Variants in ELAVL2 observed in about 807,000 individuals in gnomAD.
ELAVL2 encodes ELAV like RNA binding protein 2, also known as ELAV-like protein 2.
ELAVL2 carries 4 observed loss-of-function variants against 34.6 expected under a neutral mutation model. The ratio of observed to expected loss-of-function variants is 0.12; its 90% CI spans 0.06 to 0.26. The LOEUF (loss-of-function observed/expected upper bound fraction) is 0.26. ELAVL2 is among the 10% of genes least tolerant of loss of function. The pLI is 1.00. For synonymous variants in ELAVL2, 193 were observed against 154.8 expected (o/e 1.25, Z -1.83); for missense variants, 432 against 442.8 (o/e 0.98, Z 0.22).
intron 1 of ELAVL2, among the ~76,000 whole-genome samples, chr9:23,797,609 G>A (rs1396077426): frequency 1.3e-5 from 2 of 152,194 alleles, no homozygotes; most frequent in Admixed American, 6.5e-5. Context: ...ATTTAGGTTT[G>A]CCATAATGAT....
At chr9:23,811,899 T>C (rs932672768) in intron 1 of ELAVL2, among the ~76,000 whole-genome samples, 2 of 151,452 alleles carry the variant, frequency 1.3e-5, no homozygotes, top group Non-Finnish European at 2.9e-5. Flanking sequence ...TAAAAGAAAA[T>C]CAAAGGTAAC....
intron 1 of ELAVL2, among the ~76,000 whole-genome samples, chr9:23,810,061 A>G (rs3793593): frequency 1.3e-5 from 2 of 152,174 alleles, no homozygotes; most frequent in East Asian, 3.9e-4. Context: ...CAAGTTCAAA[A>G]AACAGCCCTT....
chr9:23,704,161 G>A (rs10738680), intron 4 of ELAVL2, among the ~76,000 whole-genome samples: 86,684 of 138,248 alleles, frequency 0.63, 29,169 homozygotes, highest in Middle Eastern at 0.7. Flanking sequence ...TGAACTCCCA[G>A]CCTCAGGTGA....
At chr9:23,785,692 C>A (rs1323689077) in intron 1 of ELAVL2, among the ~76,000 whole-genome samples, 1 of 152,144 alleles carries the variant, frequency 6.6e-6, no homozygotes, top group Non-Finnish European at 1.5e-5. Context: ...CCTATTCTGT[C>A]AATGAGCAGC....
At chr9:23,736,632 C>T (rs555958944) in intron 2 of ELAVL2, among the ~76,000 whole-genome samples, 1 of 152,296 alleles carries the variant, frequency 6.6e-6, no homozygotes, top group South Asian at 2.1e-4. Flanking sequence ...GCCACACCCG[C>T]ATCACGTTCT....
chr9:23,769,370 A>T (rs947913103), intron 1 of ELAVL2, among the ~76,000 whole-genome samples: 21 of 152,178 alleles, frequency 1.4e-4, no homozygotes, highest in Non-Finnish European at 2.5e-4. Flanking sequence ...CCCGACACAC[A>T]CCATTCCTAT....
At chr9:23,782,402 T>A (rs2059180627) in intron 1 of ELAVL2, among the ~76,000 whole-genome samples, 1 of 150,946 alleles carries the variant, frequency 6.6e-6, no homozygotes. Flanking sequence ...ATACAAAAAA[T>A]TAAAAATACA....
At chr9:23,781,319 A>G (rs1277700965) in intron 1 of ELAVL2, among the ~76,000 whole-genome samples, 1 of 152,152 alleles carries the variant, frequency 6.6e-6, no homozygotes, top group Non-Finnish European at 1.5e-5. Context: ...CTGCAACCTG[A>G]GAAATTCAAA....
chr9:23,843,396 T>C, the ELAVL2 span, among the ~76,000 whole-genome samples: 1 of 152,096 alleles, frequency 6.6e-6, no homozygotes. Flanking sequence ...TCACACAAAG[T>C]ACTAATCACT....
Position 23,755,194 on chromosome 9 carries a change from C to T in ELAVL2, c.229+6812G>A, listed in dbSNP as rs76297035. Among the ~76,000 whole-genome samples, 575 of 152,154 alleles carry T rather than the reference C, an allele frequency of 3.8e-3. 16 individuals are homozygous for T. In the East Asian group the frequency reaches 0.064, roughly 17 times the overall value. On this transcript the variant is annotated intron_variant, in intron 2 of 6. Coordinates refer to ENST00000397312, the MANE Select transcript of ELAVL2 (RefSeq NM_004432.5). Reference sequence around the variant, plus strand: ...CATTTCTCCAATTAATTTCCAAGTCCCCAGGTACTAAACAAAAGAGGACAG... The same window carrying T: ...CATTTCTCCAATTAATTTCCAAGTCTCCAGGTACTAAACAAAAGAGGACAG...
At chr9:23,713,161 G>A (rs2041431942) in intron 3 of ELAVL2, among the ~76,000 whole-genome samples, 1 of 152,144 alleles carries the variant, frequency 6.6e-6, no homozygotes, top group Non-Finnish European at 1.5e-5. Context: ...GTTTCTCCTT[G>A]GTTCTAGTAT....
chr9:23,786,118 T>C (rs1442947913), intron 1 of ELAVL2, among the ~76,000 whole-genome samples: 4 of 152,280 alleles, frequency 2.6e-5, no homozygotes, highest in African/African-American at 9.6e-5. Flanking sequence ...AGTATTTATC[T>C]CTGTTAACAA....
At chr9:23,772,750 T>C (rs2057529309) in intron 1 of ELAVL2, among the ~76,000 whole-genome samples, 1 of 152,172 alleles carries the variant, frequency 6.6e-6, no homozygotes, top group African/African-American at 2.4e-5. Flanking sequence ...ATCATCTCAA[T>C]TACTGGTATT....
At chr9:23,699,190 T>C (rs2036294812) in intron 5 of ELAVL2, among the ~76,000 whole-genome samples, 1 of 152,138 alleles carries the variant, frequency 6.6e-6, no homozygotes, top group African/African-American at 2.4e-5. Flanking sequence ...AAAGCTTTAC[T>C]CAACCAAAAA....
At chr9:23,735,125 A>AAAAAAAAAAAAAAAAAAAAAAAC in intron 2 of ELAVL2, 2 of 148,230 alleles carry the variant, frequency 1.3e-5, no homozygotes, top group Non-Finnish European at 3.0e-5. Context: ...AAAAAAAAAA[A>AAAAAAAAAAAAAAAAAAAAAAAC]AAGCCCTTAA....
intron 2 of ELAVL2, among the ~76,000 whole-genome samples, chr9:23,738,889 A>G (rs1352142310): frequency 2.6e-5 from 4 of 152,098 alleles, no homozygotes; most frequent in Admixed American, 2.6e-4. Context: ...CAACTGGTAG[A>G]GCTCTATTTT....
At chr9:23,764,900 G>C in intron 1 of ELAVL2, 1 of 1,124,118 alleles carries the variant, frequency 8.9e-7, no homozygotes, top group Non-Finnish European at 1.3e-6. Context: ...TTAAATGTAA[G>C]AATAATTAGT....
intron 1 of ELAVL2, chr9:23,765,164 T>C: frequency 1.4e-6 from 2 of 1,420,894 alleles, no homozygotes. Flanking sequence ...AATCAGTTTG[T>C]ACAAAATTTA....
chr9:23,765,736 T>C (rs371825634), intron 1 of ELAVL2, among the ~76,000 whole-genome samples: 1 of 152,216 alleles, frequency 6.6e-6, no homozygotes. Context: ...TAAACCAGCA[T>C]CTTTCAATTG....
Sources: gnomAD v4.1 joint callset for allele counts (sites outside exome capture counted in the v4.1 genomes callset) on GRCh38, gnomAD v4.1.1 for gene constraint, MANE v1.5 for transcripts, NCBI Gene and HGNC (gene_info 2026-07-23, HGNC 2026-07-21) for gene names.